MMP16: variants seen among roughly 807,000 people sequenced by gnomAD.
The protein encoded by MMP16 is matrix metalloproteinase-16.
A neutral mutation model predicts 67.8 loss-of-function variants in MMP16; 12 were observed. The observed-to-expected ratio is 0.18, with a 90% confidence interval of 0.11 to 0.29. The LOEUF is 0.29. MMP16 is among the 10% of genes least tolerant of loss of function. The pLI, the probability that MMP16 is intolerant of heterozygous loss-of-function variation, is 1.00. For synonymous variants in MMP16, 249 were observed against 255.9 expected, an observed-to-expected ratio of 0.97 and a Z score of 0.26; for missense variants, 475 against 765.7, an observed-to-expected ratio of 0.62 and a Z score of 4.48.
chr8:88,312,893 A>G (rs113251965), intron 1 of MMP16, among the ~76,000 whole-genome samples: 20,446 of 152,058 alleles, frequency 0.13, 1,854 homozygotes, highest in African/African-American at 0.24. Context: ...GCTTGAACCC[A>G]GAAGGCAGAG....
At chr8:88,267,522 C>T (rs973750699) in intron 1 of MMP16, among the ~76,000 whole-genome samples, 1 of 152,198 alleles carries the variant, frequency 6.6e-6, no homozygotes, top group Non-Finnish European at 1.5e-5. Flanking sequence ...ATCTGCCTTA[C>T]TTTTATATAG....
chr8:88,326,946 C>T, intron 1 of MMP16, 129 bp downstream of exon 1: 1 of 1,243,978 alleles, frequency 8.0e-7, no homozygotes, highest in Non-Finnish European at 1.1e-6. Flanking sequence ...CCAGGGTCTC[C>T]ACAGCTGGAA....
In MMP16 at chr8:88,114,620, C is replaced by T. The variant is rs145376943; in HGVS notation, c.1083+1887G>A. ...GTATGAAATTATGTGACAAAACGTT[C>T]TCTAGGCAAATGGATATTACAAAGA... is the stretch of plus-strand genomic sequence containing the variant. On this transcript the variant is annotated intron_variant, in intron 6 of 9. Transcript: ENST00000286614. Among the ~76,000 whole-genome samples the T allele has an allele frequency of 7.8e-3, 1,181 of 151,986 alleles. 17 individuals carry two copies. The highest frequency in any genetic ancestry group is 0.068 in the Middle Eastern group (20 of 294).
rs147222908 is a variant in MMP16, at chr8:88,317,425, T to A, written c.132+9650A>T. On this transcript the variant is annotated intron_variant, in intron 1 of 9. Coordinates refer to ENST00000286614, the MANE Select transcript of MMP16 (RefSeq NM_005941.5). ...TGAATGGTCCTTTAACAATTAAGTATTTTTAATTAAGGTATGTACATGCTT... is the reference window on the plus strand; with the variant it reads ...TGAATGGTCCTTTAACAATTAAGTAATTTTAATTAAGGTATGTACATGCTT... Among the ~76,000 whole-genome samples the A allele has an allele frequency of 5.4e-3, 823 of 152,260 alleles. 9 individuals carry two copies. The highest frequency in any genetic ancestry group is 0.019 in the African/African-American group (781 of 41,544).
intron 6 of MMP16, among the ~76,000 whole-genome samples, chr8:88,094,959 T>G (rs1433276576): frequency 6.6e-6 from 1 of 151,834 alleles, no homozygotes; most frequent in Non-Finnish European, 1.5e-5. Context: ...CTAACCACTT[T>G]CAAAGGCTTA....
chr8:88,301,331 A>C lies in MMP16; in HGVS notation c.132+25744T>G, dbSNP rs28986479. ...CATTTTATAACTGCATAAATCTTAC[A>C]TACAGAACCTAAAACAGAAGAACCC... On this transcript the variant is annotated intron_variant, in intron 1 of 9. Coordinates refer to ENST00000286614, the MANE Select transcript of MMP16 (RefSeq NM_005941.5). Among the ~76,000 whole-genome samples, 247 of 152,226 alleles carry C rather than the reference A, an allele frequency of 1.6e-3. 6 individuals are homozygous for C. In the East Asian group the frequency reaches 0.042, roughly 26 times the overall value.
chr8:88,233,485 T>C (rs1395198191), intron 1 of MMP16, among the ~76,000 whole-genome samples: 2 of 152,216 alleles, frequency 1.3e-5, no homozygotes, highest in Non-Finnish European at 2.9e-5. Flanking sequence ...CAATCCCAAA[T>C]GCTCTTCTCA....
chr8:88,307,810 G>A (rs1207734503), intron 1 of MMP16, among the ~76,000 whole-genome samples: 2 of 151,916 alleles, frequency 1.3e-5, no homozygotes, highest in Non-Finnish European at 2.9e-5. Context: ...GACCACTCAA[G>A]ATAATCTATG....
chr8:88,088,875 G>GT (rs1457371613), intron 6 of MMP16, among the ~76,000 whole-genome samples: 1 of 151,950 alleles, frequency 6.6e-6, no homozygotes, highest in Non-Finnish European at 1.5e-5. Flanking sequence ...ATTTTTATGG[G>GT]TTTTACCCAT....
At chr8:88,140,750 C>T (rs529615372) in intron 4 of MMP16, among the ~76,000 whole-genome samples, 31 of 152,000 alleles carry the variant, frequency 2.0e-4, no homozygotes, top group South Asian at 1.7e-3. Context: ...TTAGAAAGAA[C>T]TGCTGCCTAC....
chr8:88,176,307 C>A (rs1323606163), intron 3 of MMP16, among the ~76,000 whole-genome samples: 1 of 152,192 alleles, frequency 6.6e-6, no homozygotes, highest in Non-Finnish European at 1.5e-5. Context: ...GACAGTAACA[C>A]AGAATGAGTG....
chr8:88,102,945 A>C (rs2118383915), intron 6 of MMP16, among the ~76,000 whole-genome samples: 1 of 151,936 alleles, frequency 6.6e-6, no homozygotes, highest in South Asian at 2.1e-4. Flanking sequence ...GGTCCCCTAC[A>C]TTCTGTTCCC....
chr8:88,060,570 AT>A (rs1808385594), intron 7 of MMP16, among the ~76,000 whole-genome samples: 1 of 152,064 alleles, frequency 6.6e-6, no homozygotes, highest in African/African-American at 2.4e-5. Context: ...GAAAACTAGG[AT>A]GACACTTTCA....
chr8:88,219,438 C>A (rs1396560153), intron 1 of MMP16, among the ~76,000 whole-genome samples: 1 of 151,934 alleles, frequency 6.6e-6, no homozygotes, highest in Non-Finnish European at 1.5e-5. Flanking sequence ...TTCAGAGAGC[C>A]AAGAAATGTT....
chr8:88,299,433 T>C (rs1278365240), intron 1 of MMP16, among the ~76,000 whole-genome samples: 5 of 152,182 alleles, frequency 3.3e-5, no homozygotes, highest in African/African-American at 7.2e-5. Flanking sequence ...GAAAGGACCA[T>C]AGGAGATAAA....
intron 6 of MMP16, among the ~76,000 whole-genome samples, chr8:88,094,455 A>G (rs566166645): frequency 6.6e-6 from 1 of 151,800 alleles, no homozygotes; most frequent in East Asian, 1.9e-4. Context: ...CTATTGCTTT[A>G]TTTTTAAAAC....
intron 1 of MMP16, among the ~76,000 whole-genome samples, chr8:88,285,970 C>T (rs1879203): frequency 0.71 from 107,439 of 152,044 alleles, 38,598 homozygotes; most frequent in East Asian, 0.94. Context: ...TCCCATGGTA[C>T]TTTCTCACTA....
At chr8:88,242,602 C>T (rs1486241874) in intron 1 of MMP16, among the ~76,000 whole-genome samples, 1 of 152,174 alleles carries the variant, frequency 6.6e-6, no homozygotes, top group Non-Finnish European at 1.5e-5. Context: ...GTCATTGAGT[C>T]ATCCAAGTAA....
intron 1 of MMP16, among the ~76,000 whole-genome samples, chr8:88,252,275 T>C (rs1286651889): frequency 1.3e-5 from 2 of 152,172 alleles, no homozygotes; most frequent in African/African-American, 4.8e-5. Flanking sequence ...GACCCTCTGA[T>C]GGCTGCAGTC....
Sources: gnomAD v4.1 joint callset for allele counts (sites outside exome capture counted in the v4.1 genomes callset) on GRCh38, gnomAD v4.1.1 for gene constraint, MANE v1.5 for transcripts, NCBI Gene and HGNC (gene_info 2026-07-23, HGNC 2026-07-21) for gene names.